The following TMEM8B variants were observed in gnomAD, a reference collection of about 807,000 sequenced individuals.
TMEM8B encodes the protein transmembrane protein 8B, also known as nasopharyngeal carcinoma expressed 6.
Under a neutral mutation model 49.3 loss-of-function variants are expected in TMEM8B, and 29 were observed. That is an observed-to-expected ratio of 0.59 (90% confidence interval 0.44 to 0.80). The LOEUF is 0.80. TMEM8B is among the 30% of genes least tolerant of loss of function. The pLI, the probability that TMEM8B is intolerant of heterozygous loss-of-function variation, is 0.00. For synonymous variants in TMEM8B, 264 were observed against 272.8 expected, an observed-to-expected ratio of 0.97 and a Z score of 0.32; for missense variants, 575 against 658.5, an observed-to-expected ratio of 0.87 and a Z score of 1.39.
chr9:35,847,533 C>T (rs1588168571), intron 10 of TMEM8B, among the ~76,000 whole-genome samples: 1 of 152,318 alleles, frequency 6.6e-6, no homozygotes, highest in African/African-American at 2.4e-5. Context: ...CATTCAGTCA[C>T]CATGCCACCT....
intron 3 of TMEM8B, among the ~76,000 whole-genome samples, chr9:35,839,922 G>A (rs1477799931): frequency 1.3e-5 from 2 of 152,212 alleles, no homozygotes; most frequent in East Asian, 3.9e-4. Flanking sequence ...AAAAGGCACA[G>A]ACCTTCCAGC....
chr9:35,853,806 G>GA lies in TMEM8B; in HGVS notation c.2742dup (p.Gly915ArgfsTer193). On this transcript the variant is annotated frameshift_variant, in exon 13 of 13. Transcript: ENST00000643932. LOFTEE classifies it high-confidence loss of function. This position sits in a 1 kb window ranked among gnomAD's most constrained non-coding sequence, Gnocchi z 4.2. ...GAGGAGCTGGGCCTCGTGGGCCCAG[G>GA]AGGGGCCACTGTCAGCAGCATCTGT... 1 of 1,561,468 alleles carries GA rather than the reference G, an allele frequency of 6.4e-7. No homozygotes were observed. Among genetic ancestry groups the GA allele is most frequent in the South Asian group, 1.2e-5 (1 of 81,714 alleles).
Position 35,854,045 on chromosome 9 carries a change from A to C in TMEM8B, c.*205A>C. On this transcript the variant is annotated 3_prime_UTR_variant, in exon 13 of 13. Transcript: ENST00000643932. ...GGCCTGGAGTCCCCCTGCATCATGG[A>C]GTCCTTCTTAAGGACTGGAGCCTAT... 1 of 1,298,618 alleles carries C rather than the reference A, an allele frequency of 7.7e-7. No individual in the cohort carries two copies. The highest frequency in any genetic ancestry group is 9.7e-7 in the Non-Finnish European group (1 of 1,028,108). 80.4% of individuals were successfully genotyped at this position (1,298,618 alleles called of 1,614,324 possible).
At chr9:35,847,461 C>G (rs765613947) in intron 10 of TMEM8B, among the ~76,000 whole-genome samples, 1 of 152,222 alleles carries the variant, frequency 6.6e-6, no homozygotes, top group South Asian at 2.1e-4. Flanking sequence ...TCCCCTTCTC[C>G]GTCGCACTGG....
chr9:35,842,207 G>A lies in TMEM8B; in HGVS notation c.1310-185G>A, dbSNP rs1028302873. 1.3e-5 allele frequency among the ~76,000 whole-genome samples: 2 copies of A among 152,128 alleles called. No individual in the cohort carries two copies. Among genetic ancestry groups the A allele is most frequent in the Non-Finnish European group, 2.9e-5 (2 of 68,020 alleles). ...CCTCAGTTCCCTCCAGTGTGGTATT[G>A]CATTAGCTGTCACCATTAGGAAACC... is the stretch of plus-strand genomic sequence containing the variant. On this transcript the variant is annotated intron_variant, in intron 5 of 12. Coordinates refer to ENST00000643932, the MANE Select transcript of TMEM8B (RefSeq NM_001042590.4). This position sits in a 1 kb window ranked among gnomAD's most constrained non-coding sequence, Gnocchi z 5.6.
At position 35,853,984 on chromosome 9, in the gene TMEM8B, C is replaced by T; in HGVS notation, c.*144C>T. ...AAGGACACAAAACTCTTCCAGGGAC[C>T]TGGAGCCCTTCCCAGGACATGGAGA... is the stretch of plus-strand genomic sequence containing the variant. On this transcript the variant is annotated 3_prime_UTR_variant, in exon 13 of 13. Transcript: ENST00000643932. The surrounding 1 kb of genome is among the most constrained non-coding windows in gnomAD (Gnocchi z 4.2). 7.3e-7 allele frequency: 1 copy of T among 1,362,854 alleles called. No individual in the cohort carries two copies. The highest frequency in any genetic ancestry group is 2.0e-5 in the South Asian group (1 of 48,930). 84.4% of individuals were successfully genotyped at this position (1,362,854 alleles called of 1,614,324 possible).
Position 35,860,381 on chromosome 9 carries a change from T to G in TMEM8B, c.*6541T>G, listed in dbSNP as rs566194671. On this transcript the variant is annotated 3_prime_UTR_variant, in exon 13 of 13. Transcript: ENST00000643932. ...AAATTATGGCCATAGTATTTCAGATTTATTCATCCACTAAGTATTTATTAA... is the reference window on the plus strand; with the variant it reads ...AAATTATGGCCATAGTATTTCAGATGTATTCATCCACTAAGTATTTATTAA... The G allele has an allele frequency of 6.6e-6, 1 of 152,264 alleles. No homozygotes were observed. The highest frequency in any genetic ancestry group is 1.9e-4 in the East Asian group (1 of 5,204). The allele number at this position is 152,264 out of a possible 1,614,324, so 9.4% of individuals were successfully genotyped here.
At chr9:35,844,450 G>A (rs982924288) in intron 6 of TMEM8B, among the ~76,000 whole-genome samples, 11 of 152,366 alleles carry the variant, frequency 7.2e-5, no homozygotes, top group East Asian at 3.9e-4. Context: ...AGCAGGGACC[G>A]CTTTCCCATC....
At chr9:35,830,523 T>C (rs1829767905) in intron 1 of TMEM8B, among the ~76,000 whole-genome samples, 1 of 152,228 alleles carries the variant, frequency 6.6e-6, no homozygotes, top group Non-Finnish European at 1.5e-5. Flanking sequence ...GGGCTGAAAC[T>C]CGGAGGCTAT....
chr9:35,840,129 A>C (rs1372498176), intron 3 of TMEM8B, among the ~76,000 whole-genome samples: 5 of 152,226 alleles, frequency 3.3e-5, no homozygotes, highest in Admixed American at 6.5e-5. Flanking sequence ...AGGAACTGCG[A>C]CAAATGGGAC....
rs371812299 is a variant in TMEM8B at position 35,859,869 on chromosome 9, T to G, written c.*6029T>G. The G allele has an allele frequency of 5.2e-5, 8 of 153,436 alleles. No individual in the cohort carries two copies. The East Asian group carries it at 1.5e-3, about 30-fold the overall frequency. 9.5% of individuals were successfully genotyped at this position (153,436 alleles called of 1,614,324 possible). On this transcript the variant is annotated 3_prime_UTR_variant, in exon 13 of 13. Transcript: ENST00000643932. ...ATGAGGAGGGCGTTCCCCAACACATTCACGGAGTAGATGCCCAGGCAGAAC... is the reference window on the plus strand; with the variant it reads ...ATGAGGAGGGCGTTCCCCAACACATGCACGGAGTAGATGCCCAGGCAGAAC...
chr9:35,831,530 C>G (rs1311613066), intron 1 of TMEM8B, among the ~76,000 whole-genome samples: 4 of 152,222 alleles, frequency 2.6e-5, no homozygotes, highest in Non-Finnish European at 5.9e-5. Flanking sequence ...CTGCTGCTGG[C>G]AAATTGGACA....
chr9:35,863,976 G>A lies in TMEM8B; in HGVS notation c.*10136G>A, dbSNP rs948120075. 9 of 152,238 alleles carry A rather than the reference G, an allele frequency of 5.9e-5. No homozygotes were observed. The highest frequency in any genetic ancestry group is 1.9e-4 in the African/African-American group (8 of 41,446). 9.4% of individuals were successfully genotyped at this position (152,238 alleles called of 1,614,324 possible). A position where few individuals can be genotyped will look rare whatever the true frequency, so the allele number is the denominator to read the frequency against. ...GGCCTGGAAGATCAGAGTCACAGAG[G>A]GATAGGACCTGGAGTGTCTCTGAAA... is the stretch of plus-strand genomic sequence containing the variant. On this transcript the variant is annotated 3_prime_UTR_variant, in exon 13 of 13. Coordinates refer to ENST00000643932, the MANE Select transcript of TMEM8B (RefSeq NM_001042590.4).
In TMEM8B at chr9:35,853,809, G is replaced by A. The variant is rs1474007769; in HGVS notation, c.2744G>A (p.Gly915Glu). Residue 915 changes from glycine to glutamate, a missense_variant, in exon 13 of 13, where the codon GGG (glycine) becomes GAG (glutamate). By Grantham distance (98) the Gly-to-Glu change is moderately conservative (BLOSUM62 -2). Transcript: ENST00000643932. The surrounding 1 kb of genome is among the most constrained non-coding windows in gnomAD (Gnocchi z 4.2). ...QEELGLVGPGGATVSSICAS is the reference protein window; with the variant it reads ...QEELGLVGPGEATVSSICAS ...GAGCTGGGCCTCGTGGGCCCAGGAG[G>A]GGCCACTGTCAGCAGCATCTGTGCC... The A allele has an allele frequency of 6.4e-7, 1 of 1,557,588 alleles. No homozygotes were observed. The highest frequency in any genetic ancestry group is 1.9e-5 in the Admixed American group (1 of 52,438).
At chr9:35,838,769 T>A (rs1349130522) in intron 3 of TMEM8B, among the ~76,000 whole-genome samples, 2 of 152,232 alleles carry the variant, frequency 1.3e-5, no homozygotes, top group African/African-American at 4.8e-5. Flanking sequence ...GAAATTGTAC[T>A]GTCATCCACC....
Position 35,862,235 on chromosome 9 carries a change from G to C in TMEM8B, c.*8395G>C, listed in dbSNP as rs191327145. ...ATTCATTCACTCACTCGGTGACTTT[G>C]GACACCTCCCCCTCCTCTCTCCAGG... On this transcript the variant is annotated 3_prime_UTR_variant, in exon 13 of 13. Coordinates refer to ENST00000643932, the MANE Select transcript of TMEM8B (RefSeq NM_001042590.4). 1 of 152,262 alleles carries C rather than the reference G, an allele frequency of 6.6e-6. No individual in the cohort carries two copies. Among genetic ancestry groups the C allele is most frequent in the Non-Finnish European group, 1.5e-5 (1 of 68,046 alleles). 9.4% of individuals were successfully genotyped at this position (152,262 alleles called of 1,614,324 possible). A position where few individuals can be genotyped will look rare whatever the true frequency, so the allele number is the denominator to read the frequency against.
At chr9:35,851,184 C>CATGA (rs1832095840) in intron 10 of TMEM8B, among the ~76,000 whole-genome samples, 1 of 152,140 alleles carries the variant, frequency 6.6e-6, no homozygotes, top group African/African-American at 2.4e-5. Flanking sequence ...GATCACAGCT[C>CATGA]AGTGCAGTCT....
At chr9:35,836,388 T>C (rs968405524) in intron 3 of TMEM8B, among the ~76,000 whole-genome samples, 12 of 152,254 alleles carry the variant, frequency 7.9e-5, no homozygotes, top group Admixed American at 3.9e-4. Context: ...AATGCCTTCG[T>C]AGGTCTTTGG....
Position 35,853,572 on chromosome 9 carries a change from G to T in TMEM8B, c.2507G>T (p.Cys836Phe). The change falls in exon 13 of 13, where the codon TGC (cysteine) becomes TTC (phenylalanine). Residue 836 changes from cysteine to phenylalanine, a missense_variant. Coordinates refer to ENST00000643932, the MANE Select transcript of TMEM8B (RefSeq NM_001042590.4). The surrounding 1 kb of genome is among the most constrained non-coding windows in gnomAD (Gnocchi z 4.2). ...PTWRRWLFYL[C>F]PGSLIAGSAV... ...TGGCGCCGCTGGCTTTTCTACTTGT[G>T]CCCTGGCAGCCTTATTGCAGGCAGT... The T allele has an allele frequency of 1.2e-6, 2 of 1,614,226 alleles. No individual in the cohort carries two copies. Among genetic ancestry groups the T allele is most frequent in the Non-Finnish European group, 1.7e-6 (2 of 1,180,040 alleles).
Sources: allele counts gnomAD v4.1 joint callset (sites outside exome capture counted in the v4.1 genomes callset), GRCh38; gene constraint gnomAD v4.1.1; non-coding constraint Gnocchi (gnomAD v3.1); transcripts MANE v1.5; gene names NCBI Gene and HGNC (gene_info 2026-07-23, HGNC 2026-07-21).